Variants in GLIPR2 observed in about 807,000 individuals in gnomAD.
GLIPR2 encodes Golgi-associated plant pathogenesis-related protein 1.
Under a neutral mutation model 20.4 loss-of-function variants are expected in GLIPR2, and 21 were observed. The ratio of observed to expected loss-of-function variants is 1.03; its 90% confidence interval spans 0.73 to 1.48. The LOEUF is 1.48. Among genes scored for constraint, GLIPR2 ranks in the 40% most tolerant of loss-of-function variants. GLIPR2 has a pLI of 0.00. For missense variants in GLIPR2, 205 were observed against 200.1 expected, an observed-to-expected ratio of 1.02 and a Z score of -0.15; for synonymous variants, 91 against 80.5, an observed-to-expected ratio of 1.13 and a Z score of -0.70.
At position 36,157,908 on chromosome 9, in the gene GLIPR2, G is replaced by C. The variant is rs1306701232; in HGVS notation, c.305-4454G>C. Among the ~76,000 whole-genome samples, 2 of 151,848 alleles carry C rather than the reference G, an allele frequency of 1.3e-5. 1 individual carries two copies. The highest frequency in any genetic ancestry group is 2.9e-5 in the Non-Finnish European group (2 of 67,974). ...GCTCATTGCAACCTCTGCCTCCCAG[G>C]TTCAAGCAATTCTCTTTCCTCAGCC... On this transcript the variant is annotated intron_variant, in intron 4 of 4. Transcript: ENST00000377960.
chr9:36,139,256 C>T (rs1454671741), intron 1 of GLIPR2, among the ~76,000 whole-genome samples: 1 of 151,926 alleles, frequency 6.6e-6, no homozygotes, highest in African/African-American at 2.4e-5. Context: ...GAGGAGGGGG[C>T]CAGTGGCAGA....
At chr9:36,158,708 G>C (rs1325245833) in intron 4 of GLIPR2, among the ~76,000 whole-genome samples, 1 of 152,200 alleles carries the variant, frequency 6.6e-6, no homozygotes, top group African/African-American at 2.4e-5. Context: ...ATGTCTCATT[G>C]ATCTCTGTAA....
intron 1 of GLIPR2, among the ~76,000 whole-genome samples, chr9:36,142,862 G>A (rs1488533531): frequency 6.6e-6 from 1 of 151,930 alleles, no homozygotes; most frequent in Non-Finnish European, 1.5e-5. Context: ...TGGTGGGAGG[G>A]GACTCCTGGG....
chr9:36,154,250 C>G (rs966280848), intron 4 of GLIPR2, among the ~76,000 whole-genome samples: 1 of 151,952 alleles, frequency 6.6e-6, no homozygotes, highest in African/African-American at 2.4e-5. Context: ...GATATGAACA[C>G]TGAGAGCTAT....
chr9:36,157,863 A>AGTG (rs1458319744), intron 4 of GLIPR2, among the ~76,000 whole-genome samples: 1 of 150,962 alleles, frequency 6.6e-6, no homozygotes, highest in Non-Finnish European at 1.5e-5. Flanking sequence ...CCCAGGCTGG[A>AGTG]GTGCAATGGC....
intron 3 of GLIPR2, 92 bp from the exon 4 acceptor site, chr9:36,150,780 T>G: frequency 1.2e-6 from 1 of 864,340 alleles, no homozygotes; most frequent in Non-Finnish European, 1.9e-6. Context: ...AATTGCCGCA[T>G]TGGTGGCTTG....
At chr9:36,141,817 C>A (rs1233945298) in intron 1 of GLIPR2, 1 of 445,902 alleles carries the variant, frequency 2.2e-6, no homozygotes, top group African/African-American at 2.0e-5. Flanking sequence ...CCACGCATGG[C>A]TAATTTTTTT....
At chr9:36,149,983 G>A (rs554792974) in intron 3 of GLIPR2, among the ~76,000 whole-genome samples, 26 of 152,320 alleles carry the variant, frequency 1.7e-4, no homozygotes, top group South Asian at 8.3e-4. Context: ...AGCTGAGATC[G>A]CGCCATTGCA....
chr9:36,153,756 C>A (rs980518415), intron 4 of GLIPR2, among the ~76,000 whole-genome samples: 2 of 151,888 alleles, frequency 1.3e-5, no homozygotes, highest in Non-Finnish European at 2.9e-5. Flanking sequence ...CAAAAATTAG[C>A]CGGGTGTGGT....
chr9:36,138,357 T>G lies in GLIPR2; in HGVS notation c.13+1566T>G, dbSNP rs7851303. Among the ~76,000 whole-genome samples the G allele has an allele frequency of 4.0e-3, 604 of 152,026 alleles. 4 individuals carry two copies. Among genetic ancestry groups the G allele is most frequent in the African/African-American group, 0.014 (589 of 41,458 alleles). On this transcript the variant is annotated intron_variant, in intron 1 of 4. Coordinates refer to ENST00000377960, the MANE Select transcript of GLIPR2 (RefSeq NM_022343.4). ...CTCCTGCCTCAGCCTCCTGAGTAGC[T>G]GGGATTACAGGTGTGCGCCACCACG...
Position 36,162,439 on chromosome 9 carries a change from T to G in GLIPR2, c.382T>G (p.Phe128Val), listed in dbSNP as rs368897598. 56 of 1,614,008 alleles carry G rather than the reference T, an allele frequency of 3.5e-5. No individual in the cohort carries two copies. Among genetic ancestry groups the G allele is most frequent in the Non-Finnish European group, 4.2e-5 (50 of 1,180,006 alleles). The change falls in exon 5 of 5, where the codon TTT (phenylalanine) becomes GTT (valine). Residue 128 changes from phenylalanine to valine, a missense_variant. By Grantham distance (50) the Phe-to-Val change is conservative. Transcript: ENST00000377960. ...GKASASDGSSFVVARYFPAGN... is the reference protein window; with the variant it reads ...GKASASDGSSVVVARYFPAGN... ...GGCGTCCGCAAGTGACGGGTCCTCCTTTGTGGTGGCCAGATACTTCCCAGC... is the reference window on the plus strand; with the variant it reads ...GGCGTCCGCAAGTGACGGGTCCTCCGTTGTGGTGGCCAGATACTTCCCAGC...
chr9:36,155,673 C>A (rs1825798532), intron 4 of GLIPR2, among the ~76,000 whole-genome samples: 1 of 152,136 alleles, frequency 6.6e-6, no homozygotes, highest in African/African-American at 2.4e-5. Context: ...CAGTCCTTAC[C>A]ATACACAGGA....
rs765562865 is a variant in GLIPR2 at position 36,147,825 on chromosome 9, A to G, written c.53A>G (p.Asn18Ser). 6.2e-6 allele frequency: 10 copies of G among 1,600,084 alleles called. No homozygotes were observed. The highest frequency in any genetic ancestry group is 2.2e-5 in the South Asian group (2 of 90,812). ...QFHNEVLKAH[N>S]EYRQKHGVPP... ...CATAATGAGGTCCTGAAGGCCCACA[A>G]TGAGTACCGGCAGAAGCACGGCGTC... The change falls in exon 2 of 5, where the codon AAT becomes AGT. Residue 18 changes from asparagine (N) to serine (S), a missense_variant. By Grantham distance (46) the Asn-to-Ser change is conservative. Coordinates refer to ENST00000377960, the MANE Select transcript of GLIPR2 (RefSeq NM_022343.4).
chr9:36,156,823 C>G (rs1250781913), intron 4 of GLIPR2, among the ~76,000 whole-genome samples: 3 of 152,190 alleles, frequency 2.0e-5, no homozygotes, highest in Non-Finnish European at 4.4e-5. Flanking sequence ...GGAACAGTTT[C>G]ATCCTGAAAC....
intron 4 of GLIPR2, among the ~76,000 whole-genome samples, chr9:36,160,185 G>T (rs567490615): frequency 1.3e-5 from 2 of 151,958 alleles, no homozygotes; most frequent in Admixed American, 1.3e-4. Flanking sequence ...CACCATGCCC[G>T]GCTAATTTTG....
chr9:36,156,385 T>TAAAAAAA (rs58467311), intron 4 of GLIPR2, among the ~76,000 whole-genome samples: 4 of 77,720 alleles, frequency 5.1e-5, no homozygotes, highest in Non-Finnish European at 9.5e-5. Flanking sequence ...AAGCCATGTC[T>TAAAAAAA]AAAAAAAAAA....
chr9:36,143,895 G>T (rs1825203630), intron 1 of GLIPR2, among the ~76,000 whole-genome samples: 1 of 152,128 alleles, frequency 6.6e-6, no homozygotes, highest in Admixed American at 6.6e-5. Context: ...CTACCCACTG[G>T]CCCCAGCTTT....
At chr9:36,156,442 A>C (rs997976558) in intron 4 of GLIPR2, among the ~76,000 whole-genome samples, 1 of 151,672 alleles carries the variant, frequency 6.6e-6, no homozygotes, top group Non-Finnish European at 1.5e-5. Context: ...TATAACTGAA[A>C]ATTTACCATT....
intron 4 of GLIPR2, 179 bp from the exon 5 acceptor site, chr9:36,162,183 A>AG: frequency 6.7e-7 from 1 of 1,481,970 alleles, no homozygotes; most frequent in Non-Finnish European, 9.0e-7. Flanking sequence ...TTGGGGGAAA[A>AG]AAAAAGAAGT....
Sources: allele counts gnomAD v4.1 joint callset (sites outside exome capture counted in the v4.1 genomes callset), GRCh38; gene constraint gnomAD v4.1.1; transcripts MANE v1.5; gene names NCBI Gene and HGNC (gene_info 2026-07-23, HGNC 2026-07-21).